The following RSRC1 variants were observed in gnomAD, a reference collection of about 807,000 sequenced individuals.
The protein encoded by RSRC1 is serine/Arginine-related protein 53.
Under a neutral mutation model 49.1 loss-of-function variants are expected in RSRC1, and 39 were observed. That is an observed-to-expected ratio of 0.79 (90% CI 0.61 to 1.04). The LOEUF (loss-of-function observed/expected upper bound fraction) is 1.04. Ranked by LOEUF, RSRC1 falls within the 50% of genes least tolerant of loss-of-function variation. RSRC1 has a pLI of 0.00. For missense variants in RSRC1, 388 were observed against 402.4 expected (o/e 0.96, Z 0.31); for synonymous variants, 143 against 130.8 (o/e 1.09, Z -0.63).
chr3:158,376,493 T>G (rs1732383811), intron 6 of RSRC1, among the ~76,000 whole-genome samples: 2 of 152,044 alleles, frequency 1.3e-5, no homozygotes, highest in Non-Finnish European at 2.9e-5. Context: ...TATATTGTTC[T>G]GCAAACTGTG....
chr3:158,529,020 A>T (rs931427011), intron 7 of RSRC1, among the ~76,000 whole-genome samples: 1 of 151,828 alleles, frequency 6.6e-6, no homozygotes, highest in East Asian at 1.9e-4. Flanking sequence ...AGGGAAAAAA[A>T]TGCTAGGTTT....
intron 7 of RSRC1, among the ~76,000 whole-genome samples, chr3:158,500,161 T>C (rs964201045): frequency 6.6e-6 from 1 of 152,228 alleles, no homozygotes; most frequent in Non-Finnish European, 1.5e-5. Context: ...ATGTGGTGTA[T>C]GACATTTATT....
At chr3:158,177,607 C>T (rs534663821) in intron 3 of RSRC1, among the ~76,000 whole-genome samples, 13 of 147,944 alleles carry the variant, frequency 8.8e-5, no homozygotes, top group East Asian at 2.0e-4. Flanking sequence ...CACTTGGACA[C>T]GGGGGCGGGG....
At chr3:158,373,738 T>G (rs1358634141) in intron 6 of RSRC1, among the ~76,000 whole-genome samples, 1 of 152,014 alleles carries the variant, frequency 6.6e-6, no homozygotes, top group Non-Finnish European at 1.5e-5. Context: ...TCTGTCAACC[T>G]TGTATTCCCC....
intron 6 of RSRC1, among the ~76,000 whole-genome samples, chr3:158,420,849 G>A (rs1168718071): frequency 6.6e-6 from 1 of 151,924 alleles, no homozygotes; most frequent in Non-Finnish European, 1.5e-5. Context: ...TCTGTTAGAT[G>A]CTAGGAGACA....
At chr3:158,173,290 T>C (rs1187063427) in intron 3 of RSRC1, among the ~76,000 whole-genome samples, 2 of 152,022 alleles carry the variant, frequency 1.3e-5, no homozygotes, top group Non-Finnish European at 2.9e-5. Flanking sequence ...ACTCAATTTT[T>C]CAGTGTCTAT....
chr3:158,289,638 G>A (rs2108099718), intron 4 of RSRC1, among the ~76,000 whole-genome samples: 1 of 152,204 alleles, frequency 6.6e-6, no homozygotes. Context: ...TATTCATTTA[G>A]AGCCACTAAT....
At chr3:158,543,621 C>T (rs1713161958) in intron 9 of RSRC1, 134 bp downstream of exon 9, 1 of 880,526 alleles carries the variant, frequency 1.1e-6, no homozygotes. Flanking sequence ...TAAAAATAGG[C>T]ATCTGGCCCC....
chr3:158,542,082 A>G (rs184926574), intron 8 of RSRC1, among the ~76,000 whole-genome samples: 3 of 152,178 alleles, frequency 2.0e-5, no homozygotes, highest in Non-Finnish European at 2.9e-5. Context: ...ACTTTTATAT[A>G]TATATTTTAA....
At chr3:158,178,724 T>G (rs991343543) in intron 3 of RSRC1, among the ~76,000 whole-genome samples, 10 of 152,172 alleles carry the variant, frequency 6.6e-5, no homozygotes, top group African/African-American at 2.2e-4. Context: ...TACATTAAAT[T>G]TGTGAATTGA....
intron 3 of RSRC1, 25 bp from the exon 4 acceptor site, chr3:158,203,047 A>AT: frequency 6.4e-7 from 1 of 1,573,194 alleles, no homozygotes; most frequent in Non-Finnish European, 8.7e-7. Flanking sequence ...CACTAAGTTT[A>AT]TTTAACAAAA....
At chr3:158,314,636 C>G (rs1728318332) in intron 5 of RSRC1, among the ~76,000 whole-genome samples, 1 of 152,022 alleles carries the variant, frequency 6.6e-6, no homozygotes, top group Non-Finnish European at 1.5e-5. Flanking sequence ...GAGGGTAGGC[C>G]ACCAAAATAT....
At chr3:158,226,662 C>T (rs1578215389) in intron 4 of RSRC1, among the ~76,000 whole-genome samples, 2 of 151,906 alleles carry the variant, frequency 1.3e-5, no homozygotes, top group East Asian at 3.9e-4. Flanking sequence ...CCCTTTCTTA[C>T]AAATGTTAGG....
chr3:158,334,752 C>T (rs560695595), intron 5 of RSRC1, among the ~76,000 whole-genome samples: 2 of 151,646 alleles, frequency 1.3e-5, no homozygotes, highest in South Asian at 4.2e-4. Flanking sequence ...ATCTCCTGAC[C>T]TCGTGATCTG....
At chr3:158,226,083 T>G (rs1722515118) in intron 4 of RSRC1, among the ~76,000 whole-genome samples, 1 of 151,884 alleles carries the variant, frequency 6.6e-6, no homozygotes. Flanking sequence ...GGCCCTAGAC[T>G]TTTTTGAGGA....
chr3:158,266,544 G>A (rs985918474), intron 4 of RSRC1, among the ~76,000 whole-genome samples: 1 of 151,288 alleles, frequency 6.6e-6, no homozygotes, highest in Non-Finnish European at 1.5e-5. Context: ...GCGGTTGTTG[G>A]GTGTAGTTTA....
intron 1 of RSRC1, among the ~76,000 whole-genome samples, chr3:158,114,026 T>A (rs897779663): frequency 3.9e-5 from 6 of 152,238 alleles, no homozygotes; most frequent in African/African-American, 1.4e-4. Flanking sequence ...AATTTTTGTT[T>A]TTGTTGCAAT....
intron 3 of RSRC1, among the ~76,000 whole-genome samples, chr3:158,149,694 C>T (rs1158244771): frequency 6.6e-6 from 1 of 152,080 alleles, no homozygotes; most frequent in Non-Finnish European, 1.5e-5. Context: ...AACATTATAC[C>T]TATTCCAACT....
At chr3:158,133,765 C>G (rs928350013) in intron 3 of RSRC1, among the ~76,000 whole-genome samples, 1 of 152,182 alleles carries the variant, frequency 6.6e-6, no homozygotes, top group African/African-American at 2.4e-5. Context: ...AGAAGCATTT[C>G]AAATACCATC....
Sources: allele counts gnomAD v4.1 joint callset (sites outside exome capture counted in the v4.1 genomes callset), GRCh38; gene constraint gnomAD v4.1.1; transcripts MANE v1.5; gene names NCBI Gene and HGNC (gene_info 2026-07-23, HGNC 2026-07-21).